CECR2: variants seen among roughly 807,000 people sequenced by gnomAD.
CECR2 encodes the protein chromatin remodeling regulator CECR2.
Under a neutral mutation model 154.5 loss-of-function variants are expected in CECR2, and 30 were observed. The ratio of observed to expected loss-of-function variants is 0.19; its 90% confidence interval spans 0.15 to 0.26. CECR2 has a LOEUF of 0.26. Among genes scored for constraint, CECR2 ranks in the 10% least tolerant of loss-of-function variants. The pLI is 1.00. For synonymous variants in CECR2, 725 were observed against 683.7 expected (o/e 1.06, Z -0.94); for missense variants, 1,743 against 1,829.3 (o/e 0.95, Z 0.86).
intron 9 of CECR2, among the ~76,000 whole-genome samples, chr22:17,526,326 A>G (rs1246624250): frequency 6.6e-6 from 1 of 152,214 alleles, no homozygotes; most frequent in African/African-American, 2.4e-5. Flanking sequence ...ATGGAACAGA[A>G]TAGAGAATCC....
intron 6 of CECR2, among the ~76,000 whole-genome samples, chr22:17,504,591 C>T (rs1044579366): frequency 5.3e-5 from 8 of 150,670 alleles, no homozygotes; most frequent in Admixed American, 2.7e-4. Flanking sequence ...CGCCCGCCAC[C>T]GCGCCCGGCT....
chr22:17,442,092 A>G (rs965810084), intron 1 of CECR2, among the ~76,000 whole-genome samples: 1 of 152,240 alleles, frequency 6.6e-6, no homozygotes, highest in African/African-American at 2.4e-5. Flanking sequence ...TGTTTACATT[A>G]TCAACAGCTT....
At position 17,524,216 on chromosome 22, in the gene CECR2, G is replaced by C; in HGVS notation, c.1053G>C (p.Gln351His). The C allele has an allele frequency of 1.2e-6, 2 of 1,610,060 alleles. No homozygotes were observed. The highest frequency in any genetic ancestry group is 1.7e-6 in the Non-Finnish European group (2 of 1,178,324). Residue 351 changes from glutamine (Q) to histidine (H), a missense_variant, in exon 9 of 19, where the codon CAG (glutamine) becomes CAC (histidine). Physicochemically the swap from Gln to His is conservative, Grantham distance 24 (BLOSUM62 0). Transcript: ENST00000262608. Reference protein sequence around the residue: ...LLAVQKKEQEQMLKEERKREL... With the variant: ...LLAVQKKEQEHMLKEERKREL... ...CAGTGCAGAAGAAGGAGCAGGAGCAGATGCTAAAGGAAGAGAGGAAACGCG... is the reference window on the plus strand; with the variant it reads ...CAGTGCAGAAGAAGGAGCAGGAGCACATGCTAAAGGAAGAGAGGAAACGCG...
At chr22:17,547,672 G>T (rs1287419245) in intron 16 of CECR2, among the ~76,000 whole-genome samples, 1 of 152,184 alleles carries the variant, frequency 6.6e-6, no homozygotes, top group Non-Finnish European at 1.5e-5. Context: ...CCCTCCTGTG[G>T]AGCTTTTATT....
intron 2 of CECR2, among the ~76,000 whole-genome samples, chr22:17,486,952 C>T (rs543512212): frequency 6.6e-6 from 1 of 152,168 alleles, no homozygotes; most frequent in East Asian, 1.9e-4. Context: ...GCATGCTGTG[C>T]AAGTTCTGGG....
chr22:17,390,063 A>G (rs1238593309), intron 1 of CECR2, among the ~76,000 whole-genome samples: 1 of 152,196 alleles, frequency 6.6e-6, no homozygotes, highest in East Asian at 1.9e-4. Context: ...ATTTTTATGA[A>G]TTTTAAATAT....
chr22:17,466,598 C>CCTTTTTTTT lies in CECR2; in HGVS notation c.127-10990_127-10989insCTTTTTTTT, dbSNP rs555359003. Among the ~76,000 whole-genome samples, 315 of 140,192 alleles carry CCTTTTTTTT rather than the reference C, an allele frequency of 2.2e-3. 10 individuals are homozygous for CCTTTTTTTT. The East Asian group carries it at 0.023, about 10-fold the overall frequency. 92.0% of individuals were successfully genotyped at this position (140,192 alleles called of 152,430 possible). The stretch of plus-strand genomic sequence containing the variant: ...CCACTATTGTTACTTAAAACCTTGC[C>CCTTTTTTTT]TTTTTTTTTTTTTTGAGAAGGAGTC... On this transcript the variant is annotated intron_variant, in intron 1 of 18. Transcript: ENST00000262608.
intron 9 of CECR2, among the ~76,000 whole-genome samples, chr22:17,525,734 A>T (rs1404942441): frequency 6.6e-6 from 1 of 152,236 alleles, no homozygotes; most frequent in Non-Finnish European, 1.5e-5. Context: ...TCCTCAGGAC[A>T]TAATAACTGG....
chr22:17,524,293 T>C, intron 9 of CECR2, 22 bp downstream of exon 9: 1 of 1,601,586 alleles, frequency 6.2e-7, no homozygotes, highest in South Asian at 1.1e-5. Flanking sequence ...GTCCGCGTGG[T>C]CTGGAGAGGT....
intron 9 of CECR2, among the ~76,000 whole-genome samples, chr22:17,527,863 T>C (rs780729253): frequency 2.2e-4 from 34 of 151,944 alleles, no homozygotes; most frequent in Non-Finnish European, 4.7e-4. Context: ...TTATGAGATA[T>C]CATCTTACAC....
At chr22:17,461,265 T>C (rs2054933591) in intron 1 of CECR2, among the ~76,000 whole-genome samples, 1 of 152,250 alleles carries the variant, frequency 6.6e-6, no homozygotes, top group South Asian at 2.1e-4. Context: ...CACAACTTAC[T>C]GATATTAAGT....
intron 1 of CECR2, among the ~76,000 whole-genome samples, chr22:17,469,976 C>T (rs536769133): frequency 6.6e-6 from 1 of 152,098 alleles, no homozygotes; most frequent in African/African-American, 2.4e-5. Context: ...TCTTTGTGTC[C>T]CCAGCACATA....
chr22:17,538,842 C>A (rs1001467767), intron 12 of CECR2, 111 bp downstream of exon 12: 2 of 1,308,486 alleles, frequency 1.5e-6, no homozygotes, highest in Non-Finnish European at 1.1e-6. Context: ...TTCTTTTCAA[C>A]TGTCAAAAGT....
At position 17,532,648 on chromosome 22, in the gene CECR2, A is replaced by G. The variant is rs529354224; in HGVS notation, c.1109-4455A>G. On this transcript the variant is annotated intron_variant, in intron 9 of 18. Transcript: ENST00000262608. ...ACTTGAAACTCCAAGAAAATCACCCAGGAAACTATTATAGCTAAGAAATTC... is the reference window on the plus strand; with the variant it reads ...ACTTGAAACTCCAAGAAAATCACCCGGGAAACTATTATAGCTAAGAAATTC... Among the ~76,000 whole-genome samples, 12 of 149,958 alleles carry G rather than the reference A, an allele frequency of 8.0e-5. No individual in the cohort carries two copies. In the East Asian group the frequency reaches 1.4e-3, roughly 17 times the overall value.
chr22:17,423,919 A>T (rs947977526), intron 1 of CECR2, among the ~76,000 whole-genome samples: 4 of 152,190 alleles, frequency 2.6e-5, no homozygotes, highest in Non-Finnish European at 5.9e-5. Flanking sequence ...CTGAACCGGA[A>T]TCCCATTTAG....
chr22:17,542,363 G>A lies in CECR2; in HGVS notation c.2220G>A (p.Gly740=), dbSNP rs41277562. 2.7e-4 allele frequency: 434 copies of A among 1,613,690 alleles called. 1 individual carries two copies. The highest frequency in any genetic ancestry group is 1.8e-3 in the Middle Eastern group (11 of 6,084). Residue 740 remains glycine, a synonymous_variant, in exon 16 of 19, where the codon GGG becomes GGA. Transcript: ENST00000262608. The part of the protein sequence containing the change: ...QPGFIPPRHG[G]APARPPDFPE... ...GATTCATTCCTCCCCGGCATGGGGG[G>A]GCTCCAGCCCGGCCACCAGACTTTC...
At chr22:17,405,259 A>G (rs903663912) in intron 1 of CECR2, among the ~76,000 whole-genome samples, 1 of 151,936 alleles carries the variant, frequency 6.6e-6, no homozygotes, top group Non-Finnish European at 1.5e-5. Context: ...AAAAATACAA[A>G]CAATTAGCTG....
At chr22:17,538,478 G>A (rs775780966) in intron 10 of CECR2, 42 bp from the exon 11 acceptor site, 9 of 1,569,038 alleles carry the variant, frequency 5.7e-6, no homozygotes, top group African/African-American at 2.7e-5. Flanking sequence ...AGGAGAGAAG[G>A]TGGTCAGAGT....
chr22:17,533,766 GAGT>G (rs1375242539), intron 9 of CECR2, among the ~76,000 whole-genome samples: 1 of 151,926 alleles, frequency 6.6e-6, no homozygotes, highest in African/African-American at 2.4e-5. Flanking sequence ...GCCCAGGCTG[GAGT>G]GCAATGGTGT....
Sources: allele counts gnomAD v4.1 joint callset (sites outside exome capture counted in the v4.1 genomes callset), GRCh38; gene constraint gnomAD v4.1.1; transcripts MANE v1.5; gene names NCBI Gene and HGNC (gene_info 2026-07-23, HGNC 2026-07-21).